HAT1: variants seen among roughly 807,000 people sequenced by gnomAD.
HAT1 encodes histone acetyltransferase 1.
In HAT1, 20 loss-of-function variants were observed where a neutral mutation model predicts 56.6. The ratio of observed to expected loss-of-function variants is 0.35; its 90% CI spans 0.25 to 0.51. The LOEUF is 0.51. Ranked by LOEUF, HAT1 falls within the 20% of genes least tolerant of loss-of-function variation. The pLI is 0.95. For synonymous variants in HAT1, 146 were observed against 165.5 expected, an observed-to-expected ratio of 0.88 and a Z score of 0.91; for missense variants, 408 against 504.3, an observed-to-expected ratio of 0.81 and a Z score of 1.83.
At chr2:171,983,062 T>C (rs1688172697) in intron 10 of HAT1, 123 bp from the exon 11 acceptor site, 1 of 546,162 alleles carries the variant, frequency 1.8e-6, no homozygotes, top group Non-Finnish European at 3.2e-6. Context: ...AAAAAAAACA[T>C]TGTGGGACAA....
intron 4 of HAT1, among the ~76,000 whole-genome samples, chr2:171,960,381 A>C (rs1375063119): frequency 6.6e-6 from 1 of 152,218 alleles, no homozygotes; most frequent in Non-Finnish European, 1.5e-5. Context: ...AAATAGGTTT[A>C]AGTGGAAACA....
intron 3 of HAT1, among the ~76,000 whole-genome samples, chr2:171,947,750 A>T (rs562061559): frequency 3.4e-4 from 52 of 152,114 alleles, no homozygotes; most frequent in Non-Finnish European, 5.6e-4. Context: ...GTAGTGGCAC[A>T]CGCCTGTAGT....
intron 2 of HAT1, among the ~76,000 whole-genome samples, chr2:171,937,644 T>C (rs1395578380): frequency 6.6e-6 from 1 of 152,176 alleles, no homozygotes; most frequent in African/African-American, 2.4e-5. Context: ...AAAAAGAGTT[T>C]AATAACATCT....
intron 8 of HAT1, among the ~76,000 whole-genome samples, chr2:171,973,633 C>T (rs1022534863): frequency 1.3e-5 from 2 of 152,098 alleles, no homozygotes; most frequent in African/African-American, 4.8e-5. Context: ...TACCTCCTGT[C>T]GGATCAGTGG....
intron 9 of HAT1, among the ~76,000 whole-genome samples, chr2:171,977,553 ATATATTTTTT>A (rs1371020098): frequency 1.4e-3 from 15 of 10,944 alleles, no homozygotes; most frequent in South Asian, 0.01. Context: ...ATATATATAT[ATATATTTTTT>A]TTTTTTTTTT....
intron 2 of HAT1, among the ~76,000 whole-genome samples, chr2:171,946,355 C>G (rs539474472): frequency 6.6e-6 from 1 of 152,338 alleles, no homozygotes; most frequent in South Asian, 2.1e-4. Flanking sequence ...TTTTCATTTG[C>G]TGTAACTTCT....
chr2:171,952,785 A>C (rs1324190251), intron 3 of HAT1, 96 bp from the exon 4 acceptor site: 1 of 635,382 alleles, frequency 1.6e-6, no homozygotes, highest in Non-Finnish European at 2.5e-6. Flanking sequence ...TAAAATCTTG[A>C]AACTACCCAT....
chr2:171,941,070 A>G (rs1687006731), intron 2 of HAT1, among the ~76,000 whole-genome samples: 1 of 152,210 alleles, frequency 6.6e-6, no homozygotes, highest in Non-Finnish European at 1.5e-5. Flanking sequence ...TAAATGTTGG[A>G]TTCTGACTTA....
chr2:171,965,959 G>T, intron 6 of HAT1, 51 bp downstream of exon 6: 2 of 1,520,506 alleles, frequency 1.3e-6, no homozygotes, highest in Non-Finnish European at 1.8e-6. Flanking sequence ...CACAAAGCCA[G>T]CATTTTAATT....
chr2:171,976,194 C>A lies in HAT1; in HGVS notation c.861C>A (p.Asp287Glu). The change falls in exon 9 of 11, where the codon GAC becomes GAA. Residue 287 changes from aspartate to glutamate, a missense_variant. Asp to Glu is a conservative substitution (Grantham distance 45). Transcript: ENST00000264108. Reference sequence around the variant, plus strand: ...CCAAAAGCTATGTGAAATTACGAGACTTTGTGCTTGTGAAGCTTTGTCAAG... The same window carrying A: ...CCAAAAGCTATGTGAAATTACGAGAATTTGTGCTTGTGAAGCTTTGTCAAG... Reference protein sequence around the residue: ...DPSKSYVKLRDFVLVKLCQDL... With the variant: ...DPSKSYVKLREFVLVKLCQDL... 1 of 1,595,114 alleles carries A rather than the reference C, an allele frequency of 6.3e-7. No individual in the cohort carries two copies. The highest frequency in any genetic ancestry group is 2.3e-5 in the East Asian group (1 of 44,102).
chr2:171,938,062 C>CTCTCTCTCTT (rs1686920450), intron 2 of HAT1, among the ~76,000 whole-genome samples: 1 of 127,990 alleles, frequency 7.8e-6, no homozygotes. Flanking sequence ...CTCTCTCTCT[C>CTCTCTCTCTT]TCTCTCTCTC....
chr2:171,944,996 A>G (rs552230397), intron 2 of HAT1, among the ~76,000 whole-genome samples: 77 of 151,928 alleles, frequency 5.1e-4, no homozygotes, highest in African/African-American at 1.2e-3. Context: ...CTCAGCCTCC[A>G]GAGTAGTTGG....
chr2:171,924,884 A>G (rs1686542850), intron 1 of HAT1: 1 of 152,172 alleles, frequency 6.6e-6, no homozygotes, highest in Non-Finnish European at 1.5e-5. Flanking sequence ...TTTGCTTTTT[A>G]CATCTTATAA....
At chr2:171,978,118 G>A (rs1688034182) in intron 9 of HAT1, among the ~76,000 whole-genome samples, 1 of 150,270 alleles carries the variant, frequency 6.7e-6, no homozygotes, top group Non-Finnish European at 1.5e-5. Flanking sequence ...GAGTACAGTG[G>A]TGTAATCACG....
intron 4 of HAT1, among the ~76,000 whole-genome samples, chr2:171,958,267 A>G (rs1687493168): frequency 6.6e-6 from 1 of 151,968 alleles, no homozygotes; most frequent in African/African-American, 2.4e-5. Flanking sequence ...GATGTTAGGA[A>G]TATTTATGAC....
intron 2 of HAT1, among the ~76,000 whole-genome samples, chr2:171,940,860 T>C (rs1687001912): frequency 6.6e-6 from 1 of 152,192 alleles, no homozygotes. Context: ...TTGGCAGTCT[T>C]AGAGTCTTCT....
intron 4 of HAT1, among the ~76,000 whole-genome samples, chr2:171,958,731 CT>C (rs1212392644): frequency 6.6e-6 from 1 of 152,198 alleles, no homozygotes; most frequent in East Asian, 1.9e-4. Context: ...TCATAACTTT[CT>C]TTTGCAGAAG....
At chr2:171,962,849 T>G (rs1038537379) in intron 4 of HAT1, among the ~76,000 whole-genome samples, 1 of 152,214 alleles carries the variant, frequency 6.6e-6, no homozygotes, top group Non-Finnish European at 1.5e-5. Context: ...CAGAAATAGA[T>G]TCTAAACTTT....
chr2:171,965,393 A>T lies in HAT1; in HGVS notation c.365A>T (p.Asn122Ile). Residue 122 changes from asparagine (N) to isoleucine (I), a missense_variant, in exon 5 of 11, where the codon AAC becomes ATC. Transcript: ENST00000264108. ...RQIIPPGFCT[N>I]TNDFLSLLEK... ...ATCATTCCACCTGGATTTTGCACAA[A>T]CACGAATGATTTCCTTTCTTTACTG... The T allele has an allele frequency of 6.2e-7, 1 of 1,612,290 alleles. No homozygotes were observed. The highest frequency in any genetic ancestry group is 8.5e-7 in the Non-Finnish European group (1 of 1,178,568).
Sources: allele counts gnomAD v4.1 joint callset (sites outside exome capture counted in the v4.1 genomes callset), GRCh38; gene constraint gnomAD v4.1.1; transcripts MANE v1.5; gene names NCBI Gene and HGNC (gene_info 2026-07-23, HGNC 2026-07-21).